Variants in CARMIL1 observed in about 807,000 individuals in gnomAD.
CARMIL1 encodes the protein F-actin-uncapping protein LRRC16A.
In CARMIL1, 90 loss-of-function variants were observed where a neutral mutation model predicts 177.1. The observed-to-expected ratio is 0.51, with a 90% CI of 0.43 to 0.61. The LOEUF is 0.61. CARMIL1 is among the 20% of genes least tolerant of loss of function. The pLI is 0.00. For missense variants in CARMIL1, 1,380 were observed against 1,667.0 expected, an observed-to-expected ratio of 0.83 and a Z score of 3.00; for synonymous variants, 577 against 606.2, an observed-to-expected ratio of 0.95 and a Z score of 0.71.
At chr6:25,545,839 A>G (rs2151149898) in intron 26 of CARMIL1, among the ~76,000 whole-genome samples, 1 of 152,358 alleles carries the variant, frequency 6.6e-6, no homozygotes, top group African/African-American at 2.4e-5. Flanking sequence ...ATCAGAGGAT[A>G]TAAGGAATTA....
chr6:25,452,976 T>G (rs1799133872), intron 8 of CARMIL1, among the ~76,000 whole-genome samples: 1 of 152,220 alleles, frequency 6.6e-6, no homozygotes, highest in African/African-American at 2.4e-5. Flanking sequence ...GTCTGTTTGG[T>G]CTATCTTCTC....
chr6:25,290,074 C>T (rs1442114556), intron 2 of CARMIL1, among the ~76,000 whole-genome samples: 3 of 152,128 alleles, frequency 2.0e-5, no homozygotes, highest in Non-Finnish European at 2.9e-5. Flanking sequence ...TCTCTAAATC[C>T]TTGGCAGCAT....
chr6:25,531,333 T>A (rs28483055), intron 24 of CARMIL1, among the ~76,000 whole-genome samples: 1 of 658 alleles, frequency 1.5e-3, no homozygotes, highest in Non-Finnish European at 2.5e-3. Flanking sequence ...GCTTCTTCTT[T>A]GAAAGAAAGA....
At chr6:25,434,844 C>T (rs779837889) in intron 4 of CARMIL1, among the ~76,000 whole-genome samples, 2 of 152,086 alleles carry the variant, frequency 1.3e-5, no homozygotes, top group Non-Finnish European at 2.9e-5. Flanking sequence ...GCCACTGTGC[C>T]CTGCCGATCG....
chr6:25,371,090 A>AT (rs1488197507), intron 2 of CARMIL1, among the ~76,000 whole-genome samples: 2 of 152,134 alleles, frequency 1.3e-5, no homozygotes, highest in African/African-American at 4.8e-5. Flanking sequence ...TGTGAAAGAT[A>AT]TTTCATTCTG....
chr6:25,533,399 C>A (rs1406357883), intron 24 of CARMIL1, among the ~76,000 whole-genome samples: 1 of 152,186 alleles, frequency 6.6e-6, no homozygotes, highest in East Asian at 1.9e-4. Flanking sequence ...TTACTCACCT[C>A]TTTAAGCCTC....
At position 25,586,639 on chromosome 6, in the gene CARMIL1, C is replaced by T. The variant is rs549855305; in HGVS notation, c.3006+5200C>T. ...TGGAGGTTGTAGCGAGCCGAGATCA[C>T]GCCACTGCACTCCAGCCTGGGCAAC... On this transcript the variant is annotated intron_variant, in intron 31 of 36. Coordinates refer to ENST00000329474, the MANE Select transcript of CARMIL1 (RefSeq NM_017640.6). Among the ~76,000 whole-genome samples, 914 of 151,902 alleles carry T rather than the reference C, an allele frequency of 6.0e-3. 8 individuals carry two copies. Among genetic ancestry groups the T allele is most frequent in the African/African-American group, 0.018 (734 of 41,258 alleles).
chr6:25,594,293 G>A (rs985493193), intron 31 of CARMIL1, 122 bp from the exon 32 acceptor site: 9 of 597,656 alleles, frequency 1.5e-5, no homozygotes, highest in Non-Finnish European at 2.1e-5. Flanking sequence ...AGATTACGTG[G>A]TCCCTATTTT....
intron 1 of CARMIL1, among the ~76,000 whole-genome samples, chr6:25,281,836 T>C (rs1781139836): frequency 6.6e-6 from 1 of 152,136 alleles, no homozygotes; most frequent in Non-Finnish European, 1.5e-5. Context: ...CAGACTTGGC[T>C]GAGCGTGGTG....
intron 2 of CARMIL1, among the ~76,000 whole-genome samples, chr6:25,287,909 A>G (rs1781641272): frequency 6.6e-6 from 1 of 152,172 alleles, no homozygotes; most frequent in Non-Finnish European, 1.5e-5. Context: ...CACTAGTTTT[A>G]TATTTATTGA....
At chr6:25,493,520 G>C (rs114520116) in intron 15 of CARMIL1, among the ~76,000 whole-genome samples, 1 of 152,312 alleles carries the variant, frequency 6.6e-6, no homozygotes, top group African/African-American at 2.4e-5. Context: ...TCCATTGTGG[G>C]CTGGCATATA....
intron 8 of CARMIL1, among the ~76,000 whole-genome samples, chr6:25,464,621 A>G (rs1314314167): frequency 6.6e-6 from 1 of 152,228 alleles, no homozygotes; most frequent in East Asian, 1.9e-4. Context: ...TGACCTCACT[A>G]AAGCTAAAAA....
chr6:25,522,835 G>A (rs544240846), intron 23 of CARMIL1, among the ~76,000 whole-genome samples: 1 of 151,918 alleles, frequency 6.6e-6, no homozygotes, highest in Non-Finnish European at 1.5e-5. Context: ...TGGTTGACAG[G>A]GTCTGGCTCT....
chr6:25,321,664 T>G (rs1287618094), intron 2 of CARMIL1, among the ~76,000 whole-genome samples: 1 of 140,174 alleles, frequency 7.1e-6, no homozygotes, highest in Non-Finnish European at 1.5e-5. Context: ...TTAATTTAAT[T>G]TAATTTTTTT....
chr6:25,574,556 T>C (rs1409909695), intron 29 of CARMIL1, among the ~76,000 whole-genome samples: 1 of 152,218 alleles, frequency 6.6e-6, no homozygotes, highest in African/African-American at 2.4e-5. Context: ...CTCAAGCTTC[T>C]CCCCGTTTCT....
intron 2 of CARMIL1, among the ~76,000 whole-genome samples, chr6:25,364,170 C>G (rs775325539): frequency 9.2e-5 from 14 of 152,122 alleles, no homozygotes; most frequent in Non-Finnish European, 1.5e-4. Context: ...GTCTTGAACT[C>G]CTGGGCTCAA....
At chr6:25,429,428 A>G (rs964908339) in intron 4 of CARMIL1, among the ~76,000 whole-genome samples, 3 of 152,172 alleles carry the variant, frequency 2.0e-5, no homozygotes, top group Non-Finnish European at 4.4e-5. Flanking sequence ...TGAAACATCT[A>G]ATAGGCTAAC....
At chr6:25,415,316 C>G (rs1795260434) in intron 2 of CARMIL1, among the ~76,000 whole-genome samples, 1 of 152,078 alleles carries the variant, frequency 6.6e-6, no homozygotes, top group South Asian at 2.1e-4. Context: ...GTATGAGCCA[C>G]CACACCCAGC....
intron 16 of CARMIL1, 40 bp downstream of exon 16, chr6:25,495,255 C>A: frequency 7.2e-7 from 1 of 1,391,828 alleles, no homozygotes; most frequent in Non-Finnish European, 9.9e-7. Context: ...TTTTAAAGTT[C>A]AACTTATTTT....
Sources: allele counts gnomAD v4.1 joint callset (sites outside exome capture counted in the v4.1 genomes callset), GRCh38; gene constraint gnomAD v4.1.1; transcripts MANE v1.5; gene names NCBI Gene and HGNC (gene_info 2026-07-23, HGNC 2026-07-21).